Variants in LSG1 observed in about 807,000 individuals in gnomAD.
LSG1 encodes the protein large 60S subunit nuclear export GTPase 1.
In LSG1, 55 loss-of-function variants were observed where a neutral mutation model predicts 82.6. That is an observed-to-expected ratio of 0.67 (90% CI 0.54 to 0.83). The LOEUF (loss-of-function observed/expected upper bound fraction) is 0.83, where lower values mean the gene tolerates loss of function less well. LSG1 is among the 40% of genes least tolerant of loss of function. The pLI, the probability that LSG1 is intolerant of heterozygous loss-of-function variation, is 0.00. For missense variants in LSG1, 809 were observed against 807.9 expected, an observed-to-expected ratio of 1.00 and a Z score of -0.02; for synonymous variants, 272 against 282.5, an observed-to-expected ratio of 0.96 and a Z score of 0.37.
At chr3:194,646,031 T>C (rs949474842) in intron 12 of LSG1, 133 bp downstream of exon 12, 3 of 819,008 alleles carry the variant, frequency 3.7e-6, no homozygotes, top group Non-Finnish European at 6.1e-6. Context: ...TTAACTACCC[T>C]ACATCAAGAA....
chr3:194,644,224 T>C (rs59752188), intron 13 of LSG1, among the ~76,000 whole-genome samples: 6,198 of 151,408 alleles, frequency 0.041, 400 homozygotes, highest in African/African-American at 0.14. Context: ...TAGCCGGGCG[T>C]GGTGGCGGGC....
intron 13 of LSG1, 72 bp downstream of exon 13, chr3:194,644,501 C>A: frequency 8.8e-7 from 1 of 1,141,528 alleles, no homozygotes; most frequent in Non-Finnish European, 1.2e-6. Flanking sequence ...GTGTTTATGG[C>A]ATGTGATACT....
chr3:194,670,144 A>AC lies in LSG1; in HGVS notation c.100-10_100-9insG, dbSNP rs776927137. 2.1e-5 allele frequency: 34 copies of AC among 1,612,678 alleles called. No individual in the cohort carries two copies. The highest frequency in any genetic ancestry group is 1.6e-4 in the Middle Eastern group (1 of 6,084). ...AGTTCACTTGTGTGCAACTATGAAA[A>AC]AACACAGGGTGATAAATACAGCTGC... On this transcript the variant is annotated splice_polypyrimidine_tract_variant and intron_variant, in intron 1 of 13. Coordinates refer to ENST00000265245, the MANE Select transcript of LSG1 (RefSeq NM_018385.3).
rs1718437292 is a variant in LSG1, at chr3:194,643,296, A to G, written c.1798-1049T>C. Among the ~76,000 whole-genome samples, 3 of 152,244 alleles carry G rather than the reference A, an allele frequency of 2.0e-5. No homozygotes were observed. In the South Asian group the frequency reaches 6.2e-4, roughly 31 times the overall value. ...TTTCTATCACCAAATGTGTTGGCTCAGAGAAAAGACAACTGACTAAATGGG... is the reference window on the plus strand; with the variant it reads ...TTTCTATCACCAAATGTGTTGGCTCGGAGAAAAGACAACTGACTAAATGGG... On this transcript the variant is annotated intron_variant, in intron 13 of 13. Coordinates refer to ENST00000265245, the MANE Select transcript of LSG1 (RefSeq NM_018385.3).
chr3:194,662,232 C>T (rs907229494), intron 5 of LSG1, among the ~76,000 whole-genome samples: 1 of 152,242 alleles, frequency 6.6e-6, no homozygotes, highest in East Asian at 1.9e-4. Flanking sequence ...CAACCCACCA[C>T]ACAGCCCCCA....
At chr3:194,655,923 G>A (rs180752498) in intron 7 of LSG1, among the ~76,000 whole-genome samples, 129 of 152,226 alleles carry the variant, frequency 8.5e-4, no homozygotes, top group African/African-American at 2.9e-3. Context: ...TTTAATATAT[G>A]GTGCTGGGAA....
At position 194,660,079 on chromosome 3, in the gene LSG1, C is replaced by G; in HGVS notation, c.576G>C (p.Glu192Asp). The change falls in exon 6 of 14, where the codon GAG becomes GAC. Residue 192 changes from glutamate to aspartate, a missense_variant. By Grantham distance (45) the Glu-to-Asp change is conservative. Coordinates refer to ENST00000265245, the MANE Select transcript of LSG1 (RefSeq NM_018385.3). ...DARNPLLFRC[E>D]DLECYVKEMD... ...TTTGTCAAACTTGACTTACCAAATC[C>G]TCACATCTAAACAGGAGTGGGTTTC... The G allele has an allele frequency of 6.2e-7, 1 of 1,613,892 alleles. No homozygotes were observed. The highest frequency in any genetic ancestry group is 8.5e-7 in the Non-Finnish European group (1 of 1,179,816).
In LSG1 at chr3:194,651,911, T is replaced by C. The variant is rs534354281; in HGVS notation, c.1174-695A>G. Among the ~76,000 whole-genome samples, 5 of 152,312 alleles carry C rather than the reference T, an allele frequency of 3.3e-5. No individual in the cohort carries two copies. In the South Asian group the frequency reaches 1.0e-3, roughly 32 times the overall value. On this transcript the variant is annotated intron_variant, in intron 8 of 13. Transcript: ENST00000265245. ...AGGTCTGTCTGATTCCACAGACAGC[T>C]CTTTTAACTACTGCACTAAAATAAG...
chr3:194,665,467 T>C, intron 5 of LSG1, 90 bp downstream of exon 5: 3 of 822,304 alleles, frequency 3.6e-6, no homozygotes, highest in East Asian at 2.5e-5. Context: ...TTAATTCCCA[T>C]ACCCTGAGCC....
At chr3:194,644,368 CAAA>C (rs1395757240) in intron 13 of LSG1, among the ~76,000 whole-genome samples, 1 of 62,020 alleles carries the variant, frequency 1.6e-5, no homozygotes, top group African/African-American at 5.1e-5. Context: ...GACTCCGTCT[CAAA>C]AAAAAAAAAT....
Position 194,670,011 on chromosome 3 carries a change from G to A in LSG1, c.224C>T (p.Ala75Val). The change falls in exon 2 of 14, where the codon GCT becomes GTT. Residue 75 changes from alanine to valine, a missense_variant and splice_region_variant. Coordinates refer to ENST00000265245, the MANE Select transcript of LSG1 (RefSeq NM_018385.3). ...GCACTCAGCAATAAACAACTTACCA[G>A]CTACAAACTCTGTTCCTGCAAGTTC... ...TAELAGTEFV[A>V]EKLNIKFVPA... is the part of the protein sequence containing the mutation. 1 of 1,613,732 alleles carries A rather than the reference G, an allele frequency of 6.2e-7. No homozygotes were observed. Among genetic ancestry groups the A allele is most frequent in the Non-Finnish European group, 8.5e-7 (1 of 1,179,758 alleles).
intron 6 of LSG1, 57 bp downstream of exon 6, chr3:194,660,016 G>A (rs376308339): frequency 6.2e-4 from 872 of 1,398,664 alleles, no homozygotes; most frequent in Non-Finnish European, 7.7e-4. Context: ...TGAGGGATGC[G>A]GTGCTGGCAC....
chr3:194,645,745 C>T (rs1328432614), intron 12 of LSG1, among the ~76,000 whole-genome samples: 1 of 152,178 alleles, frequency 6.6e-6, no homozygotes, highest in Non-Finnish European at 1.5e-5. Context: ...ATCTCACAGA[C>T]TTGTTACATA....
intron 8 of LSG1, among the ~76,000 whole-genome samples, chr3:194,652,055 G>A (rs561008505): frequency 3.3e-5 from 5 of 152,284 alleles, no homozygotes; most frequent in Non-Finnish European, 7.4e-5. Context: ...GAAAAGCTGG[G>A]AGACTTTAAA....
At chr3:194,650,663 C>A in intron 10 of LSG1, 1 of 429,366 alleles carries the variant, frequency 2.3e-6, no homozygotes, top group Non-Finnish European at 4.1e-6. Flanking sequence ...AACTGAGTAT[C>A]TGAAACCTGG....
chr3:194,667,942 A>AAAAAAAAAAAAAAAAATATAT (rs1416407494), intron 2 of LSG1, among the ~76,000 whole-genome samples: 4 of 86,960 alleles, frequency 4.6e-5, no homozygotes, highest in Admixed American at 3.1e-4. Flanking sequence ...AAAAAAAAAA[A>AAAAAAAAAAAAAAAAATATAT]ATATATATAT....
At chr3:194,671,926 CT>C in intron 1 of LSG1, 137 bp downstream of exon 1, 1 of 758,106 alleles carries the variant, frequency 1.3e-6, no homozygotes, top group South Asian at 1.5e-5. Flanking sequence ...TGCTACTCAG[CT>C]TGGCAGAAAC....
At position 194,642,126 on chromosome 3, in the gene LSG1, T is replaced by C. The variant is rs2108613419; in HGVS notation, c.1919A>G (p.His640Arg). The change falls in exon 14 of 14, where the codon CAT becomes CGT. Residue 640 changes from histidine to arginine, a missense_variant. His to Arg is a conservative substitution (Grantham distance 29). Coordinates refer to ENST00000265245, the MANE Select transcript of LSG1 (RefSeq NM_018385.3). Reference sequence around the variant, plus strand: ...TTTTTCTTTTTTATTTCTGTTGCCATGTTTTTTCCAGGGCTTCCCCGCCCC... The same window carrying C: ...TTTTTCTTTTTTATTTCTGTTGCCACGTTTTTTCCAGGGCTTCCCCGCCCC... ...ENGAGKPWKK[H>R]GNRNKKEKSR... is the part of the protein sequence containing the mutation. The C allele has an allele frequency of 3.7e-6, 6 of 1,613,858 alleles. No individual in the cohort carries two copies. Among genetic ancestry groups the C allele is most frequent in the South Asian group, 1.1e-5 (1 of 91,056 alleles).
At chr3:194,659,976 G>T in intron 6 of LSG1, 97 bp downstream of exon 6, 1 of 1,059,618 alleles carries the variant, frequency 9.4e-7, no homozygotes, top group Non-Finnish European at 1.5e-6. Context: ...CGAAGCCAGA[G>T]AGGGCAGAAT....
Sources: gnomAD v4.1 joint callset for allele counts (sites outside exome capture counted in the v4.1 genomes callset) on GRCh38, gnomAD v4.1.1 for gene constraint, MANE v1.5 for transcripts, NCBI Gene and HGNC (gene_info 2026-07-23, HGNC 2026-07-21) for gene names.